The following ATP9A variants were observed in gnomAD, a reference collection of about 807,000 sequenced individuals.
The protein encoded by ATP9A is probable phospholipid-transporting ATPase IIA.
ATP9A carries 52 observed loss-of-function variants against 144.1 expected under a neutral mutation model. The observed-to-expected ratio is 0.36, with a 90% CI of 0.29 to 0.45. The LOEUF (loss-of-function observed/expected upper bound fraction) is 0.45. Ranked by LOEUF, ATP9A falls within the 20% of genes least tolerant of loss-of-function variation. The pLI, the probability that ATP9A is intolerant of heterozygous loss-of-function variation, is 1.00. For synonymous variants in ATP9A, 582 were observed against 557.4 expected (o/e 1.04, Z -0.62); for missense variants, 947 against 1,392.7 (o/e 0.68, Z 5.09).
chr20:51,704,159 C>T (rs2077605429), intron 4 of ATP9A, among the ~76,000 whole-genome samples: 2 of 133,876 alleles, frequency 1.5e-5, no homozygotes, highest in Non-Finnish European at 3.1e-5. Flanking sequence ...CTTCCTGGGG[C>T]TTTTGTTTAA....
rs1042677364 is a variant in ATP9A, at chr20:51,611,486, A to G, written c.2572-1321T>C. Among the ~76,000 whole-genome samples, 10 of 152,342 alleles carry G rather than the reference A, an allele frequency of 6.6e-5. No individual in the cohort carries two copies. In the East Asian group the frequency reaches 1.3e-3, roughly 21 times the overall value. On this transcript the variant is annotated intron_variant, in intron 23 of 27. Coordinates refer to ENST00000338821, the MANE Select transcript of ATP9A (RefSeq NM_006045.3). This position sits in a 1 kb window ranked among gnomAD's most constrained non-coding sequence, Gnocchi z 4.2. ...TTCATCTCGACAAGAGCACTTTGGG[A>G]AAAATAAAAACACTGTGTTCTCTGA...
At chr20:51,695,460 C>T (rs6126310) in intron 6 of ATP9A, among the ~76,000 whole-genome samples, 5 of 100,788 alleles carry the variant, frequency 5.0e-5, no homozygotes, top group African/African-American at 2.2e-4. Flanking sequence ...AAGACCCGGT[C>T]TCAAGGAAAA....
intron 1 of ATP9A, among the ~76,000 whole-genome samples, chr20:51,739,777 T>C (rs1457165798): frequency 6.6e-6 from 1 of 152,178 alleles, no homozygotes; most frequent in Non-Finnish European, 1.5e-5. Context: ...GTGAGACCCC[T>C]GGCTGGGATT....
chr20:51,650,986 A>T (rs919071532), intron 14 of ATP9A, among the ~76,000 whole-genome samples: 28 of 150,948 alleles, frequency 1.9e-4, no homozygotes, highest in East Asian at 1.2e-3. Context: ...TCTTTTTTTT[A>T]AATTTTTTTT....
chr20:51,738,900 G>A (rs1295376649), intron 1 of ATP9A, among the ~76,000 whole-genome samples: 12 of 152,048 alleles, frequency 7.9e-5, no homozygotes, highest in South Asian at 2.1e-4. Flanking sequence ...TGGACAACAC[G>A]GAGAAACCCC....
chr20:51,674,538 A>G lies in ATP9A; in HGVS notation c.877-225T>C, dbSNP rs562895573. On this transcript the variant is annotated intron_variant, in intron 10 of 27. Coordinates refer to ENST00000338821, the MANE Select transcript of ATP9A (RefSeq NM_006045.3). ...ACACTGCTTCCATGGGCTGGTGTTC[A>G]TAACAGGCATCCAAGGGAACTCAAA... Among the ~76,000 whole-genome samples, 7 of 152,306 alleles carry G rather than the reference A, an allele frequency of 4.6e-5. No homozygotes were observed. In the South Asian group the frequency reaches 1.2e-3, roughly 27 times the overall value.
At chr20:51,703,467 TA>T (rs1308570152) in intron 4 of ATP9A, among the ~76,000 whole-genome samples, 4 of 152,248 alleles carry the variant, frequency 2.6e-5, no homozygotes, top group Non-Finnish European at 5.9e-5. Context: ...AGTCTTCTAA[TA>T]AATCTATCCC....
intron 3 of ATP9A, among the ~76,000 whole-genome samples, chr20:51,721,149 C>T (rs6123073): frequency 0.21 from 32,469 of 152,258 alleles, 4,020 homozygotes; most frequent in East Asian, 0.38. Flanking sequence ...ATGGCACGTA[C>T]GGCGTATGCA....
chr20:51,740,633 T>C (rs1409522114), intron 1 of ATP9A, among the ~76,000 whole-genome samples: 1 of 142,748 alleles, frequency 7.0e-6, no homozygotes, highest in Non-Finnish European at 1.5e-5. Flanking sequence ...GGTGGCACCA[T>C]CATGGCTCAG....
intron 15 of ATP9A, among the ~76,000 whole-genome samples, chr20:51,633,920 G>A (rs2077280310): frequency 6.7e-6 from 1 of 148,572 alleles, no homozygotes; most frequent in African/African-American, 2.5e-5. Flanking sequence ...GAAAGGGAGG[G>A]AGGGAGAGAG....
At chr20:51,623,139 C>T (rs966507057) in intron 18 of ATP9A, among the ~76,000 whole-genome samples, 4 of 152,304 alleles carry the variant, frequency 2.6e-5, no homozygotes, top group Middle Eastern at 3.4e-3. Flanking sequence ...CTGAGCCTCC[C>T]GGGCCCTCTC....
Position 51,689,141 on chromosome 20 carries a change from T to A in ATP9A, c.724-2A>T, listed in dbSNP as rs2122815086. On this transcript the variant is annotated splice_acceptor_variant, in intron 8 of 27. Transcript: ENST00000338821. LOFTEE classifies it high-confidence loss of function. ...GCTGATCGGGGGGTCGCTGTCTTCC[T>A]GGAAAAGACCAAACGGACACACGTT... 1 of 1,613,870 alleles carries A rather than the reference T, an allele frequency of 6.2e-7. No homozygotes were observed. The highest frequency in any genetic ancestry group is 1.1e-5 in the South Asian group (1 of 91,054).
At chr20:51,675,906 CAA>C (rs2077475176) in intron 10 of ATP9A, among the ~76,000 whole-genome samples, 1 of 145,668 alleles carries the variant, frequency 6.9e-6, no homozygotes, top group Admixed American at 6.8e-5. Flanking sequence ...AAAAAAGGCA[CAA>C]AAAAGTCATA....
In ATP9A at chr20:51,676,067, G is replaced by A. The variant is rs374688765; in HGVS notation, c.876+65C>T. 1.4e-4 allele frequency: 173 copies of A among 1,214,342 alleles called. No individual in the cohort carries two copies. In the African/African-American group the frequency reaches 2.2e-3, roughly 16 times the overall value. 75.2% of individuals were successfully genotyped at this position (1,214,342 alleles called of 1,614,324 possible). A position where few individuals can be genotyped will look rare whatever the true frequency, so the allele number is the denominator to read the frequency against. On this transcript the variant is annotated intron_variant, in intron 10 of 27. Coordinates refer to ENST00000338821, the MANE Select transcript of ATP9A (RefSeq NM_006045.3). ...TTAGGTGTTCCTATTTTAATATCTC[G>A]TCACTCACCCACCAGAACCAACCAG...
intron 15 of ATP9A, among the ~76,000 whole-genome samples, chr20:51,635,904 G>A (rs62228304): frequency 0.73 from 101,444 of 138,664 alleles, 39,041 homozygotes; most frequent in East Asian, 0.85. Context: ...GGAGAGGACA[G>A]GAGGAACTTC....
At chr20:51,654,257 G>A (rs1419475466) in intron 14 of ATP9A, among the ~76,000 whole-genome samples, 3 of 152,236 alleles carry the variant, frequency 2.0e-5, no homozygotes, top group East Asian at 3.9e-4. Context: ...CTGGAAGGAG[G>A]AGTCTCCCAG....
intron 10 of ATP9A, 152 bp from the exon 11 acceptor site, chr20:51,674,465 C>G: frequency 1.5e-6 from 1 of 677,164 alleles, no homozygotes. Context: ...CACCTCTACC[C>G]CAGGTAGGAC....
At chr20:51,606,561 G>C (rs979217308) in intron 26 of ATP9A, among the ~76,000 whole-genome samples, 1 of 152,174 alleles carries the variant, frequency 6.6e-6, no homozygotes, top group African/African-American at 2.4e-5. Flanking sequence ...GCCGGGTGTG[G>C]TGGTGTACAC....
At chr20:51,673,318 G>A (rs935712977) in intron 11 of ATP9A, among the ~76,000 whole-genome samples, 1 of 152,158 alleles carries the variant, frequency 6.6e-6, no homozygotes, top group South Asian at 2.1e-4. Flanking sequence ...AGGCTGCAGT[G>A]AGCTGAGATC....
Sources: gnomAD v4.1 joint callset for allele counts (sites outside exome capture counted in the v4.1 genomes callset) on GRCh38, gnomAD v4.1.1 for gene constraint, Gnocchi (gnomAD v3.1) non-coding constraint, MANE v1.5 for transcripts, NCBI Gene and HGNC (gene_info 2026-07-23, HGNC 2026-07-21) for gene names.